HOXC4: variants seen among roughly 807,000 people sequenced by gnomAD.
The protein encoded by HOXC4 is homeobox C4.
HOXC4 carries 15 observed loss-of-function variants against 25.5 expected under a neutral mutation model. The ratio of observed to expected loss-of-function variants is 0.59; its 90% CI spans 0.39 to 0.91. HOXC4 has a LOEUF of 0.91. Ranked by LOEUF, HOXC4 falls within the 40% of genes least tolerant of loss-of-function variation. The pLI is 0.00. For missense variants in HOXC4, 342 were observed against 352.4 expected (o/e 0.97, Z 0.24); for synonymous variants, 165 against 148.0 (o/e 1.11, Z -0.83).
chr12:54,050,537 T>C (rs118028401), upstream of HOXC4, among the ~76,000 whole-genome samples: 886 of 152,284 alleles, frequency 5.8e-3, 8 homozygotes, highest in Non-Finnish European at 8.9e-3. Flanking sequence ...AGATGAGAGC[T>C]GCTTTAGTAC....
rs1403362891 is a variant in HOXC4 at position 54,054,951 on chromosome 12, C to T, written c.541C>T (p.Leu181=). 1.2e-6 allele frequency: 2 copies of T among 1,614,114 alleles called. No homozygotes were observed. The highest frequency in any genetic ancestry group is 4.5e-5 in the East Asian group (2 of 44,876). The change falls in exon 2 of 2, where the codon CTG becomes TTG. Residue 181 remains leucine (L), a synonymous_variant. Coordinates refer to ENST00000430889, the MANE Select transcript of HOXC4 (RefSeq NM_153633.3). ...GAAAGAGTTTCATTACAACCGCTACCTGACCCGAAGGAGAAGGATCGAGAT... is the reference window on the plus strand; with the variant it reads ...GAAAGAGTTTCATTACAACCGCTACTTGACCCGAAGGAGAAGGATCGAGAT... ...LEKEFHYNRY[L]TRRRRIEIAH... is the part of the protein sequence containing the mutation.
intron 1 of HOXC4, among the ~76,000 whole-genome samples, chr12:54,044,705 G>A (rs1025445806): frequency 6.9e-5 from 10 of 145,392 alleles, no homozygotes; most frequent in Non-Finnish European, 1.1e-4. Context: ...ATGGGTGCAG[G>A]GGTGTGTGAG....
intron 1 of HOXC4, 22 bp downstream of exon 1, chr12:54,054,383 T>TGGGG: frequency 1.4e-6 from 2 of 1,468,134 alleles, no homozygotes; most frequent in Non-Finnish European, 1.8e-6. Context: ...TGCTTTTTGC[T>TGGGG]CCCCCCCTCC....
chr12:54,047,065 T>C (rs2136461222), intron 1 of HOXC4, among the ~76,000 whole-genome samples: 1 of 152,326 alleles, frequency 6.6e-6, no homozygotes, highest in South Asian at 2.1e-4. Context: ...GCATCTCTTC[T>C]GGTGCTTCTC....
chr12:54,042,634 A>T (rs1430783400), intron 1 of HOXC4, among the ~76,000 whole-genome samples: 1 of 152,196 alleles, frequency 6.6e-6, no homozygotes, highest in African/African-American at 2.4e-5. Flanking sequence ...CTGAGAAGAC[A>T]AGCACCACCA....
chr12:54,018,781 C>T (rs115789957), intron 1 of HOXC4, among the ~76,000 whole-genome samples: 1,961 of 152,232 alleles, frequency 0.013, 40 homozygotes, highest in African/African-American at 0.045. Context: ...ATATTCCAGA[C>T]GAGGTCCGAG....
intron 1 of HOXC4, among the ~76,000 whole-genome samples, chr12:54,036,677 T>G (rs1352926653): frequency 1.0e-5 from 1 of 97,456 alleles, no homozygotes; most frequent in East Asian, 2.4e-4. Context: ...AGACCAGTGC[T>G]CTCTCTCTCT....
At chr12:54,033,258 A>C in intron 1 of HOXC4, 5 of 1,614,174 alleles carry the variant, frequency 3.1e-6, no homozygotes, top group Non-Finnish European at 4.2e-6. Flanking sequence ...ATTGGACTTA[A>C]GCATCACTTT....
chr12:54,054,319 C>T lies in HOXC4; in HGVS notation c.397C>T (p.Pro133Ser), dbSNP rs761474489. 6.2e-7 allele frequency: 1 copy of T among 1,602,236 alleles called. No homozygotes were observed. Among genetic ancestry groups the T allele is most frequent in the South Asian group, 1.1e-5 (1 of 90,124 alleles). Residue 133 changes from proline (P) to serine (S), a missense_variant, in exon 1 of 2, where the codon CCC (proline) becomes TCC (serine). Pro to Ser is a moderately conservative substitution (Grantham distance 74). Coordinates refer to ENST00000430889, the MANE Select transcript of HOXC4 (RefSeq NM_153633.3). ...DHPSSAASKQPIVYPWMKKIH... is the reference protein window; with the variant it reads ...DHPSSAASKQSIVYPWMKKIH... The stretch of plus-strand genomic sequence containing the variant: ...TCCCTCCAGCGCCGCCAGCAAGCAA[C>T]CCATAGTCTACCCATGGATGAAAAA...
intron 1 of HOXC4, among the ~76,000 whole-genome samples, chr12:54,048,284 G>A (rs1937765304): frequency 6.6e-6 from 1 of 152,108 alleles, no homozygotes; most frequent in African/African-American, 2.4e-5. Flanking sequence ...GTCAGCCCAG[G>A]AGACCGCGCT....
chr12:54,032,902 T>C, intron 1 of HOXC4: 1 of 406,496 alleles, frequency 2.5e-6, no homozygotes, highest in Non-Finnish European at 4.4e-6. Flanking sequence ...CTTCCATCAC[T>C]AACCTCCCGG....
At chr12:54,033,612 C>A in intron 1 of HOXC4, 1 of 1,485,964 alleles carries the variant, frequency 6.7e-7, no homozygotes, top group Non-Finnish European at 9.0e-7. Context: ...CTCTCGGGTC[C>A]GCCTGGGTTT....
At chr12:54,052,833 C>T (rs535286547), upstream of HOXC4, among the ~76,000 whole-genome samples, 1 of 152,248 alleles carries the variant, frequency 6.6e-6, no homozygotes, top group South Asian at 2.1e-4. Context: ...GATACAGCTC[C>T]TAGCCAGAAG....
Position 54,054,859 on chromosome 12 carries a change from A to G in HOXC4, c.449A>G (p.Asn150Ser), listed in dbSNP as rs17854635. The G allele has an allele frequency of 2.3e-3, 3,754 of 1,604,830 alleles. 88 individuals carry two copies. In the African/African-American group the frequency reaches 0.044, roughly 19 times the overall value. ...KKIHVSTVNP[N>S]YNGGEPKRSR... ...TTTCCCCTCCCCCCAGTGAACCCCA[A>G]TTATAACGGAGGGGAACCCAAGCGC... Residue 150 changes from asparagine to serine, a missense_variant, in exon 2 of 2, where the codon AAT (asparagine) becomes AGT (serine). By Grantham distance (46) the Asn-to-Ser change is conservative. Transcript: ENST00000430889.
chr12:54,041,022 C>T (rs1184720027), intron 1 of HOXC4, among the ~76,000 whole-genome samples: 1 of 132,876 alleles, frequency 7.5e-6, no homozygotes, highest in East Asian at 3.3e-4. Flanking sequence ...TTGTTTAAAC[C>T]CCTTCCCTTC....
At chr12:54,035,848 G>T (rs547274116) in intron 1 of HOXC4, among the ~76,000 whole-genome samples, 2 of 152,282 alleles carry the variant, frequency 1.3e-5, no homozygotes, top group South Asian at 4.1e-4. Flanking sequence ...AGAGGGAGGT[G>T]GTATTGCTTG....
rs190497646 is a variant in HOXC4, at chr12:54,038,500, C to T, written c.-123-14660C>T. Among the ~76,000 whole-genome samples the T allele has an allele frequency of 2.6e-5, 4 of 152,276 alleles. No individual in the cohort carries two copies. In the East Asian group the frequency reaches 7.7e-4, roughly 29 times the overall value. The stretch of plus-strand genomic sequence containing the variant: ...GGGAAGGAGGGTTTTGTGGCTTCTA[C>T]GCCCACAGGCTACTGCTGCCTGAAC... On this transcript the variant is annotated intron_variant, in intron 1 of 3. Transcript: ENST00000303406.
At chr12:54,026,026 T>C (rs1185120348) in intron 1 of HOXC4, among the ~76,000 whole-genome samples, 1 of 152,188 alleles carries the variant, frequency 6.6e-6, no homozygotes, top group Non-Finnish European at 1.5e-5. Context: ...CATCCTATCT[T>C]CCATCATTCA....
chr12:54,054,673 C>G (rs904251703), intron 1 of HOXC4, among the ~76,000 whole-genome samples, 177 bp from the exon 2 acceptor site: 1 of 152,100 alleles, frequency 6.6e-6, no homozygotes, highest in Non-Finnish European at 1.5e-5. Context: ...GGATTCCCCT[C>G]TTATTACACT....
Sources: gnomAD v4.1 joint callset for allele counts (sites outside exome capture counted in the v4.1 genomes callset) on GRCh38, gnomAD v4.1.1 for gene constraint, MANE v1.5 for transcripts, NCBI Gene and HGNC (gene_info 2026-07-23, HGNC 2026-07-21) for gene names.